EXOG: variants seen among roughly 807,000 people sequenced by gnomAD.
EXOG encodes the protein exo/endonuclease G.
In EXOG, 27 loss-of-function variants were observed where a neutral mutation model predicts 25.8. That is an observed-to-expected ratio of 1.05 (90% CI 0.77 to 1.45). The LOEUF is 1.45. Ranked by LOEUF, EXOG falls within the 40% of genes most tolerant of loss-of-function variation. The probability of loss-of-function intolerance (pLI) is 0.00; values close to 1 mark genes in which losing one functional copy is unlikely to be tolerated. For missense variants in EXOG, 458 were observed against 450.5 expected (o/e 1.02, Z -0.15); for synonymous variants, 133 against 167.0 (o/e 0.80, Z 1.57).
Position 38,496,451 on chromosome 3 carries a change from T to C in EXOG, c.84T>C (p.Ala28=). Residue 28 remains alanine, a synonymous_variant, in exon 1 of 6, where the codon GCT becomes GCC. Coordinates refer to ENST00000287675, the MANE Select transcript of EXOG (RefSeq NM_005107.4). ...TCGTGGCTGGGGCTGTAGTGGGCGC[T>C]GCGGGAGCTGGGCTCGCGGCCCTGC... is the stretch of plus-strand genomic sequence containing the variant. ...SGFVAGAVVG[A]AGAGLAALQF... is the part of the protein sequence containing the mutation. The C allele has an allele frequency of 3.7e-6, 6 of 1,614,058 alleles. No individual in the cohort carries two copies. Among genetic ancestry groups the C allele is most frequent in the Non-Finnish European group, 5.1e-6 (6 of 1,179,994 alleles).
chr3:38,510,752 T>C (rs2060343260), intron 5 of EXOG, among the ~76,000 whole-genome samples: 2 of 151,516 alleles, frequency 1.3e-5, no homozygotes, highest in African/African-American at 4.8e-5. Context: ...AGTGAAATGA[T>C]ACTCAAACAT....
chr3:38,511,417 C>T (rs994980872), intron 5 of EXOG, among the ~76,000 whole-genome samples: 1 of 152,018 alleles, frequency 6.6e-6, no homozygotes, highest in Non-Finnish European at 1.5e-5. Context: ...ATTAAAAGAA[C>T]AGAAAAGGAA....
At position 38,523,910 on chromosome 3, in the gene EXOG, G is replaced by A. The variant is rs753405481; in HGVS notation, c.655G>A (p.Glu219Lys). ...GCTGCTTTGTTTTTAGGTGATTGGC[G>A]AGGACAACGTGGCAGTCCCCTCACA... ...KKIVSYQVIG[E>K]DNVAVPSHLY... The change falls in exon 6 of 6, where the codon GAG becomes AAG. Residue 219 changes from glutamate (E) to lysine (K), a missense_variant. By Grantham distance (56) the Glu-to-Lys change is moderately conservative (BLOSUM62 1). Around this residue, in one of 3 missense-constraint regions of EXOG, gnomAD observed 178 missense variants for 203.7 expected, o/e 0.87. Coordinates refer to ENST00000287675, the MANE Select transcript of EXOG (RefSeq NM_005107.4). The A allele has an allele frequency of 3.4e-5, 52 of 1,533,832 alleles. No individual in the cohort carries two copies. Among genetic ancestry groups the A allele is most frequent in the Non-Finnish European group, 4.2e-5 (48 of 1,141,248 alleles).
intron 4 of EXOG, 125 bp from the exon 5 acceptor site, chr3:38,506,729 C>A: frequency 2.1e-6 from 1 of 478,838 alleles, no homozygotes; most frequent in Non-Finnish European, 3.7e-6. Context: ...TGTTTTGTGC[C>A]ATGTTCTTGT....
At chr3:38,507,058 C>T in intron 5 of EXOG, 90 bp downstream of exon 5, 1 of 582,294 alleles carries the variant, frequency 1.7e-6, no homozygotes, top group South Asian at 2.4e-5. Context: ...TTTTATCATT[C>T]AAAAAAAATT....
At chr3:38,499,638 T>G (rs2059988491) in intron 2 of EXOG, 3 of 453,824 alleles carry the variant, frequency 6.6e-6, no homozygotes, top group South Asian at 3.1e-5. Flanking sequence ...TCTGTATTTT[T>G]TTTACCTTTT....
chr3:38,514,009 G>A (rs764673287), intron 5 of EXOG: 6 of 152,324 alleles, frequency 3.9e-5, no homozygotes, highest in South Asian at 2.1e-4. Context: ...TTCGGCTAGA[G>A]CGAGTGCAAG....
chr3:38,525,488 ACAGT>A lies in EXOG; in HGVS notation c.*1130_*1133del. The A allele has an allele frequency of 1.1e-5, 11 of 985,370 alleles. No homozygotes were observed. Among genetic ancestry groups the A allele is most frequent in the Non-Finnish European group, 1.3e-5 (11 of 829,912 alleles). 61.0% of individuals were successfully genotyped at this position (985,370 alleles called of 1,614,324 possible). ...ACCCTCCTTAGCTCTGTGGAAAGAG[ACAGT>A]CAGGAATATTTGGGAATTAGACGGC... is the stretch of plus-strand genomic sequence containing the variant. On this transcript the variant is annotated 3_prime_UTR_variant, in exon 6 of 6. Coordinates refer to ENST00000287675, the MANE Select transcript of EXOG (RefSeq NM_005107.4).
At chr3:38,508,593 GA>G (rs2060273022) in intron 5 of EXOG, among the ~76,000 whole-genome samples, 1 of 152,006 alleles carries the variant, frequency 6.6e-6, no homozygotes, top group African/African-American at 2.4e-5. Flanking sequence ...AAGAGGAGGG[GA>G]GGGAACACCT....
chr3:38,511,091 A>G (rs906821236), intron 5 of EXOG, among the ~76,000 whole-genome samples: 27 of 152,348 alleles, frequency 1.8e-4, no homozygotes, highest in Admixed American at 1.7e-3. Context: ...GGAGGAAGGT[A>G]TACAGAATTG....
At position 38,524,926 on chromosome 3, in the gene EXOG, A is replaced by G. The variant is rs548323831; in HGVS notation, c.*564A>G. 4.3e-5 allele frequency: 42 copies of G among 985,566 alleles called. No homozygotes were observed. The highest frequency in any genetic ancestry group is 1.6e-4 in the African/African-American group (9 of 57,336). 61.1% of individuals were successfully genotyped at this position (985,566 alleles called of 1,614,324 possible). On this transcript the variant is annotated 3_prime_UTR_variant, in exon 6 of 6. Coordinates refer to ENST00000287675, the MANE Select transcript of EXOG (RefSeq NM_005107.4). ...ATCTGCCCAGCCTTCTCAGAACTCA[A>G]TGTTGTACATTTTTCCCTCTAGGAC...
At chr3:38,518,500 G>T (rs561759103) in intron 5 of EXOG, among the ~76,000 whole-genome samples, 1 of 152,326 alleles carries the variant, frequency 6.6e-6, no homozygotes, top group South Asian at 2.1e-4. Context: ...CCACTTTCAA[G>T]GCAATGTCTT....
At chr3:38,506,093 C>T (rs2060195261) in intron 4 of EXOG, among the ~76,000 whole-genome samples, 1 of 151,742 alleles carries the variant, frequency 6.6e-6, no homozygotes, top group Non-Finnish European at 1.5e-5. Flanking sequence ...CACTTGAACC[C>T]GGGAGGCAGA....
Position 38,524,562 on chromosome 3 carries a change from C to G in EXOG, c.*200C>G. ...CCTCAAACTTCTGGGCTTAAGCAAT[C>G]CTCCTGCCTCTGCCCCCTGAGCAGC... On this transcript the variant is annotated 3_prime_UTR_variant, in exon 6 of 6. Transcript: ENST00000287675. The G allele has an allele frequency of 8.0e-7, 1 of 1,256,466 alleles. No homozygotes were observed. Among genetic ancestry groups the G allele is most frequent in the Non-Finnish European group, 1.0e-6 (1 of 981,328 alleles). 77.8% of individuals were successfully genotyped at this position (1,256,466 alleles called of 1,614,324 possible).
chr3:38,512,471 T>C (rs138200195), intron 5 of EXOG, among the ~76,000 whole-genome samples: 2 of 152,316 alleles, frequency 1.3e-5, no homozygotes, highest in African/African-American at 4.8e-5. Flanking sequence ...TTGTGACCTG[T>C]CGCTTATTAA....
chr3:38,499,438 C>T (rs2059982834), intron 2 of EXOG, among the ~76,000 whole-genome samples: 1 of 152,080 alleles, frequency 6.6e-6, no homozygotes, highest in East Asian at 1.9e-4. Context: ...TATAATAAGT[C>T]TTGTGAGCTG....
Position 38,526,031 on chromosome 3 carries a change from A to T in EXOG, c.*1669A>T. 1 of 985,440 alleles carries T rather than the reference A, an allele frequency of 1.0e-6. No homozygotes were observed. The allele number at this position is 985,440 out of a possible 1,614,324, so 61.0% of individuals were successfully genotyped here. Reference sequence around the variant, plus strand: ...CTGTGTGCCTGCTTGTCTACCTAGCATAGTAGGCCAAAGGTCCAAAGGCAT... The same window carrying T: ...CTGTGTGCCTGCTTGTCTACCTAGCTTAGTAGGCCAAAGGTCCAAAGGCAT... On this transcript the variant is annotated 3_prime_UTR_variant, in exon 6 of 6. Coordinates refer to ENST00000287675, the MANE Select transcript of EXOG (RefSeq NM_005107.4).
chr3:38,514,023 C>T (rs761227231), intron 5 of EXOG, among the ~76,000 whole-genome samples: 13 of 152,174 alleles, frequency 8.5e-5, no homozygotes, highest in Non-Finnish European at 1.3e-4. Context: ...GTGCAAGACA[C>T]GGGTGAAACT....
Position 38,525,947 on chromosome 3 carries a change from A to T in EXOG, c.*1585A>T, listed in dbSNP as rs1285817441. 4 of 984,068 alleles carry T rather than the reference A, an allele frequency of 4.1e-6. No individual in the cohort carries two copies. Among genetic ancestry groups the T allele is most frequent in the Non-Finnish European group, 4.8e-6 (4 of 828,844 alleles). 61.0% of individuals were successfully genotyped at this position (984,068 alleles called of 1,614,324 possible). ...CCACAGAGGGAGACCCTGTCTCAAA[A>T]AAAGAAAAGAAAAAAGAAAAAGGTC... On this transcript the variant is annotated 3_prime_UTR_variant, in exon 6 of 6. Transcript: ENST00000287675.
Sources: gnomAD v4.1 joint callset for allele counts (sites outside exome capture counted in the v4.1 genomes callset) on GRCh38, gnomAD v4.1.1 for gene constraint, gnomAD v4.1.1 regional missense constraint, MANE v1.5 for transcripts, NCBI Gene and HGNC (gene_info 2026-07-23, HGNC 2026-07-21) for gene names.